The following TAFA1 variants were observed in gnomAD, a reference collection of about 807,000 sequenced individuals.
The protein encoded by TAFA1 is chemokine-like protein TAFA-1.
TAFA1 carries 4 observed loss-of-function variants against 18.5 expected under a neutral mutation model. That is an observed-to-expected ratio of 0.22 (90% CI 0.11 to 0.49). The LOEUF (loss-of-function observed/expected upper bound fraction) is 0.49. TAFA1 is among the 20% of genes least tolerant of loss of function. The probability of loss-of-function intolerance (pLI) is 0.98; values close to 1 mark genes in which losing one functional copy is unlikely to be tolerated. For synonymous variants in TAFA1, 56 were observed against 55.2 expected, an observed-to-expected ratio of 1.01 and a Z score of -0.06; for missense variants, 147 against 169.0, an observed-to-expected ratio of 0.87 and a Z score of 0.72.
At chr3:68,330,793 T>A (rs1410047041) in intron 2 of TAFA1, among the ~76,000 whole-genome samples, 1 of 152,226 alleles carries the variant, frequency 6.6e-6, no homozygotes, top group Non-Finnish European at 1.5e-5. Context: ...GATATTTACC[T>A]GAAAGACTGC....
chr3:68,192,296 T>C (rs1487705939), intron 2 of TAFA1: 3 of 152,000 alleles, frequency 2.0e-5, no homozygotes, highest in Non-Finnish European at 4.4e-5. Flanking sequence ...CTCTCCAAAA[T>C]GATGCATTTG....
At chr3:68,287,814 T>C (rs1354984999) in intron 2 of TAFA1, among the ~76,000 whole-genome samples, 1 of 151,190 alleles carries the variant, frequency 6.6e-6, no homozygotes, top group Non-Finnish European at 1.5e-5. Flanking sequence ...GAAATCTAAT[T>C]ATACCTCCTT....
chr3:68,032,159 T>A (rs141322543), intron 2 of TAFA1, among the ~76,000 whole-genome samples: 64 of 152,308 alleles, frequency 4.2e-4, no homozygotes, highest in Non-Finnish European at 7.8e-4. Context: ...ACAGCTTATC[T>A]GGTCTATATG....
intron 2 of TAFA1, among the ~76,000 whole-genome samples, chr3:68,034,278 C>G (rs1165904257): frequency 1.3e-5 from 2 of 152,158 alleles, no homozygotes; most frequent in African/African-American, 4.8e-5. Context: ...ATGATAATGA[C>G]AAATGTAAAC....
At position 68,537,699 on chromosome 3, in the gene TAFA1, T is replaced by C. The variant is rs557747514; in HGVS notation, c.260-1057T>C. 5.9e-5 allele frequency among the ~76,000 whole-genome samples: 9 copies of C among 152,320 alleles called. No individual in the cohort carries two copies. The South Asian group carries it at 8.3e-4, about 14-fold the overall frequency. On this transcript the variant is annotated intron_variant, in intron 3 of 4. Coordinates refer to ENST00000478136, the MANE Select transcript of TAFA1 (RefSeq NM_213609.4). ...CTGGACTACTTCTGTTTGCTGACTC[T>C]CTGAACAGCCGTCTCACACTATGTC... is the stretch of plus-strand genomic sequence containing the variant.
intron 2 of TAFA1, among the ~76,000 whole-genome samples, chr3:68,349,473 G>C (rs374675457): frequency 1.3e-5 from 2 of 152,070 alleles, no homozygotes; most frequent in East Asian, 3.9e-4. Context: ...AAGAGGAAGA[G>C]TTAACAGTCA....
At chr3:68,322,324 T>C (rs1006700160) in intron 2 of TAFA1, among the ~76,000 whole-genome samples, 8 of 152,230 alleles carry the variant, frequency 5.3e-5, no homozygotes, top group African/African-American at 1.9e-4. Context: ...TTCTATAAGA[T>C]TTGCTGGGTT....
intron 2 of TAFA1, among the ~76,000 whole-genome samples, chr3:68,357,743 G>A (rs1157690385): frequency 2.6e-5 from 4 of 151,896 alleles, no homozygotes; most frequent in African/African-American, 9.7e-5. Flanking sequence ...CCTAAGGGTG[G>A]ACTGACAGGG....
chr3:68,456,247 A>T (rs13081659), intron 3 of TAFA1, among the ~76,000 whole-genome samples: 2 of 151,910 alleles, frequency 1.3e-5, no homozygotes, highest in Non-Finnish European at 2.9e-5. Context: ...TTTATATATA[A>T]GGGCAATCTT....
At chr3:68,257,549 A>C (rs2067323261) in intron 2 of TAFA1, among the ~76,000 whole-genome samples, 2 of 152,096 alleles carry the variant, frequency 1.3e-5, no homozygotes, top group African/African-American at 4.8e-5. Flanking sequence ...AGTATGTGAC[A>C]AGCACTGGGC....
At chr3:68,281,855 A>G (rs987261721) in intron 2 of TAFA1, among the ~76,000 whole-genome samples, 1 of 152,126 alleles carries the variant, frequency 6.6e-6, no homozygotes, top group Non-Finnish European at 1.5e-5. Flanking sequence ...TAAAGGATTG[A>G]TATTTCTGAT....
intron 2 of TAFA1, among the ~76,000 whole-genome samples, chr3:68,034,655 T>G (rs1006012810): frequency 2.6e-5 from 4 of 152,204 alleles, no homozygotes; most frequent in African/African-American, 9.6e-5. Context: ...AAATTGCTAT[T>G]GCCCTTTCAT....
chr3:68,300,004 A>G (rs1326746995), intron 2 of TAFA1, among the ~76,000 whole-genome samples: 10 of 152,242 alleles, frequency 6.6e-5, no homozygotes, highest in Non-Finnish European at 1.5e-4. Flanking sequence ...GGCAGTGTGG[A>G]AGGGAAATGT....
At chr3:68,076,974 T>G (rs2064833035) in intron 2 of TAFA1, among the ~76,000 whole-genome samples, 1 of 152,142 alleles carries the variant, frequency 6.6e-6, no homozygotes, top group African/African-American at 2.4e-5. Context: ...CACCTGTTGT[T>G]TCCTGACTTT....
At chr3:68,013,762 G>A (rs1453899359) in intron 2 of TAFA1, among the ~76,000 whole-genome samples, 4 of 152,066 alleles carry the variant, frequency 2.6e-5, no homozygotes, top group Non-Finnish European at 5.9e-5. Flanking sequence ...AGCACTTAGG[G>A]AACTCTGTTG....
intron 2 of TAFA1, among the ~76,000 whole-genome samples, chr3:68,025,368 G>A (rs1372679545): frequency 1.3e-5 from 2 of 152,088 alleles, no homozygotes; most frequent in South Asian, 2.1e-4. Context: ...TGGATTATAG[G>A]GGAAGCCTAG....
chr3:68,443,473 C>CA (rs56944130), intron 3 of TAFA1, among the ~76,000 whole-genome samples: 4,794 of 95,636 alleles, frequency 0.05, 226 homozygotes, highest in Non-Finnish European at 0.074. Context: ...GGGCAATTTA[C>CA]AAAAAAAAAA....
intron 2 of TAFA1, among the ~76,000 whole-genome samples, chr3:68,283,892 G>C (rs185463609): frequency 2.0e-5 from 3 of 152,228 alleles, no homozygotes; most frequent in East Asian, 1.9e-4. Context: ...CTGGATAAAT[G>C]GTTGTGCAGT....
rs532591498 is a variant in TAFA1, at chr3:68,356,046, T to C, written c.119-61234T>C. 2.0e-5 allele frequency among the ~76,000 whole-genome samples: 3 copies of C among 152,100 alleles called. No homozygotes were observed. In the East Asian group the frequency reaches 5.8e-4, roughly 29 times the overall value. On this transcript the variant is annotated intron_variant, in intron 2 of 4. Coordinates refer to ENST00000478136, the MANE Select transcript of TAFA1 (RefSeq NM_213609.4). ...ACAGTAGCTACACTTGAAGTGCTGA[T>C]AGCAATAGCCACAAGTGGCTAGCGG...
Sources: gnomAD v4.1 joint callset for allele counts (sites outside exome capture counted in the v4.1 genomes callset) on GRCh38, gnomAD v4.1.1 for gene constraint, MANE v1.5 for transcripts, NCBI Gene and HGNC (gene_info 2026-07-23, HGNC 2026-07-21) for gene names.